Variants in PPP5C observed in about 807,000 individuals in gnomAD.
PPP5C encodes serine/threonine-protein phosphatase 5.
PPP5C carries 21 observed loss-of-function variants against 66.7 expected under a neutral mutation model. The ratio of observed to expected loss-of-function variants is 0.31; its 90% CI spans 0.22 to 0.45. The LOEUF is 0.45. PPP5C is among the 20% of genes least tolerant of loss of function. The pLI, the probability that PPP5C is intolerant of heterozygous loss-of-function variation, is 1.00. For missense variants in PPP5C, 464 were observed against 675.9 expected, an observed-to-expected ratio of 0.69 and a Z score of 3.48; for synonymous variants, 246 against 257.4, an observed-to-expected ratio of 0.96 and a Z score of 0.43.
chr19:46,371,228 TC>T (rs1972586289), intron 2 of PPP5C, among the ~76,000 whole-genome samples: 2 of 152,192 alleles, frequency 1.3e-5, no homozygotes, highest in South Asian at 4.2e-4. Context: ...CTTCCTGGGA[TC>T]TCCTGATTTT....
chr19:46,390,612 T>C lies in PPP5C; in HGVS notation c.*266T>C. 7.6e-7 allele frequency: 1 copy of C among 1,320,756 alleles called. No homozygotes were observed. The highest frequency in any genetic ancestry group is 9.7e-7 in the Non-Finnish European group (1 of 1,028,218). 81.8% of individuals were successfully genotyped at this position (1,320,756 alleles called of 1,614,324 possible). A position where few individuals can be genotyped will look rare whatever the true frequency, so the allele number is the denominator to read the frequency against. On this transcript the variant is annotated 3_prime_UTR_variant, in exon 13 of 13. Transcript: ENST00000012443. ...GCCTGGGCATTCTGTGGGGAGGCCG[T>C]CCTCGGGGTGGGGTGGGGCCGAGTG...
chr19:46,361,831 A>G (rs1478351453), intron 2 of PPP5C, among the ~76,000 whole-genome samples: 1 of 152,080 alleles, frequency 6.6e-6, no homozygotes, highest in Non-Finnish European at 1.5e-5. Context: ...CCTTTGCATC[A>G]ATGTATTATT....
intron 2 of PPP5C, among the ~76,000 whole-genome samples, chr19:46,369,278 A>AT (rs1177975077): frequency 6.6e-6 from 1 of 152,210 alleles, no homozygotes; most frequent in Non-Finnish European, 1.5e-5. Flanking sequence ...CCTGTACAGC[A>AT]TGTTACTTTA....
At chr19:46,374,172 C>T (rs1311518825) in intron 2 of PPP5C, among the ~76,000 whole-genome samples, 2 of 152,302 alleles carry the variant, frequency 1.3e-5, no homozygotes, top group East Asian at 3.9e-4. Flanking sequence ...AGGGAGGAGG[C>T]CGTGGCCTGC....
chr19:46,376,387 G>A lies in PPP5C; in HGVS notation c.512-66G>A, dbSNP rs1389287622. 2.1e-5 allele frequency: 33 copies of A among 1,584,814 alleles called. No homozygotes were observed. The highest frequency in any genetic ancestry group is 4.6e-5 in the South Asian group (4 of 87,186). On this transcript the variant is annotated intron_variant, in intron 3 of 12. Coordinates refer to ENST00000012443, the MANE Select transcript of PPP5C (RefSeq NM_006247.4). This position sits in a 1 kb window ranked among gnomAD's most constrained non-coding sequence, Gnocchi z 5.1. ...CCAAGTTTTCCCCATCCCTGGGAGC[G>A]AGACCCCCTTCTCCCTCATAGTGGC...
Position 46,388,514 on chromosome 19 carries a change from C to T in PPP5C, c.1177-39C>T. ...GTGGCAGCAGGTGGAGGCAGACAGTCACCCTGAACCCCTGTCTCTCCCTTC... is the reference window on the plus strand; with the variant it reads ...GTGGCAGCAGGTGGAGGCAGACAGTTACCCTGAACCCCTGTCTCTCCCTTC... On this transcript the variant is annotated intron_variant, in intron 10 of 12. Coordinates refer to ENST00000012443, the MANE Select transcript of PPP5C (RefSeq NM_006247.4). The surrounding 1 kb of genome is among the most constrained non-coding windows in gnomAD (Gnocchi z 4.9). The T allele has an allele frequency of 6.2e-7, 1 of 1,610,104 alleles. No individual in the cohort carries two copies. Among genetic ancestry groups the T allele is most frequent in the Non-Finnish European group, 8.5e-7 (1 of 1,177,026 alleles).
At chr19:46,351,722 G>A (rs947980213) in intron 1 of PPP5C, among the ~76,000 whole-genome samples, 2 of 152,244 alleles carry the variant, frequency 1.3e-5, no homozygotes, top group African/African-American at 4.8e-5. Flanking sequence ...GGGCTGCCCA[G>A]TTCTGCCCTT....
chr19:46,349,806 G>A (rs1972150582), intron 1 of PPP5C, among the ~76,000 whole-genome samples: 1 of 151,970 alleles, frequency 6.6e-6, no homozygotes, highest in Non-Finnish European at 1.5e-5. Context: ...GTTTCAGGGA[G>A]GAAGTGAGAG....
At chr19:46,364,151 C>A (rs1031674233) in intron 2 of PPP5C, among the ~76,000 whole-genome samples, 5 of 151,974 alleles carry the variant, frequency 3.3e-5, no homozygotes, top group African/African-American at 1.2e-4. Context: ...TAATTAGGAG[C>A]AGTTTGAGAA....
At chr19:46,357,824 C>A (rs972808188) in intron 2 of PPP5C, among the ~76,000 whole-genome samples, 1 of 152,216 alleles carries the variant, frequency 6.6e-6, no homozygotes, top group African/African-American at 2.4e-5. Flanking sequence ...TCTTCAGGAA[C>A]CTCCATGTGT....
rs571183452 is a variant in PPP5C, at chr19:46,353,726, G to A, written c.122-22G>A. ...TCGCAGGGTTGGAGCACTGCCTCAT[G>A]CCTCTTCTTCTGTCTCCGCAGCCAA... is the stretch of plus-strand genomic sequence containing the variant. On this transcript the variant is annotated intron_variant, in intron 1 of 12. Coordinates refer to ENST00000012443, the MANE Select transcript of PPP5C (RefSeq NM_006247.4). The A allele has an allele frequency of 2.5e-6, 4 of 1,613,760 alleles. No individual in the cohort carries two copies. The African/African-American group carries it at 5.3e-5, about 21-fold the overall frequency.
chr19:46,379,178 C>T (rs376297427), intron 4 of PPP5C, among the ~76,000 whole-genome samples: 2 of 152,220 alleles, frequency 1.3e-5, no homozygotes, highest in African/African-American at 4.8e-5. Flanking sequence ...CTCAGCCTCC[C>T]GAGTAGCTGG....
In PPP5C at chr19:46,390,821, A is replaced by T. The variant is rs530684864; in HGVS notation, c.*475A>T. On this transcript the variant is annotated 3_prime_UTR_variant, in exon 13 of 13. Coordinates refer to ENST00000012443, the MANE Select transcript of PPP5C (RefSeq NM_006247.4). ...CCAGCTATTTTATGTCTGTAATTAAATATGTTAAAATAAAGTCATTATCGG... is the reference window on the plus strand; with the variant it reads ...CCAGCTATTTTATGTCTGTAATTAATTATGTTAAAATAAAGTCATTATCGG... The T allele has an allele frequency of 1.2e-4, 130 of 1,125,438 alleles. No individual in the cohort carries two copies. The highest frequency in any genetic ancestry group is 1.3e-4 in the Non-Finnish European group (115 of 907,250). 69.7% of individuals were successfully genotyped at this position (1,125,438 alleles called of 1,614,324 possible).
chr19:46,359,793 T>TTG (rs1972350251), intron 2 of PPP5C, among the ~76,000 whole-genome samples: 1 of 151,100 alleles, frequency 6.6e-6, no homozygotes, highest in African/African-American at 2.4e-5. Context: ...TTTTTTTTTT[T>TTG]TTTGAGGCGG....
intron 1 of PPP5C, among the ~76,000 whole-genome samples, chr19:46,352,209 C>T (rs1390568163): frequency 2.0e-5 from 3 of 152,228 alleles, no homozygotes; most frequent in Non-Finnish European, 4.4e-5. Flanking sequence ...GATCTGTCTC[C>T]TCCACTGGAT....
chr19:46,381,033 T>C (rs897970292), intron 4 of PPP5C, among the ~76,000 whole-genome samples: 1 of 152,240 alleles, frequency 6.6e-6, no homozygotes, highest in African/African-American at 2.4e-5. Context: ...TAGATCTTAA[T>C]GACCTGAATT....
intron 2 of PPP5C, among the ~76,000 whole-genome samples, chr19:46,359,878 C>G (rs55842357): frequency 2.7e-5 from 4 of 147,688 alleles, no homozygotes; most frequent in African/African-American, 1.0e-4. Context: ...CTCCTGGGTT[C>G]AAGTGATTCT....
chr19:46,368,453 G>A (rs180976257), intron 2 of PPP5C, among the ~76,000 whole-genome samples: 1 of 152,230 alleles, frequency 6.6e-6, no homozygotes, highest in Non-Finnish European at 1.5e-5. Flanking sequence ...CTTGCTGCCT[G>A]CCTCAGGGAC....
Position 46,376,536 on chromosome 19 carries a change from A to G in PPP5C, c.595A>G (p.Lys199Glu), listed in dbSNP as rs1203032024. ...SFMKELMQWYKDQKKLHRKCA... is the reference protein window; with the variant it reads ...SFMKELMQWYEDQKKLHRKCA... ...CATGAAGGAGCTCATGCAGTGGTACAAGGACCAGAAGAAACTGCACCGGAA... is the reference window on the plus strand; with the variant it reads ...CATGAAGGAGCTCATGCAGTGGTACGAGGACCAGAAGAAACTGCACCGGAA... The change falls in exon 4 of 13, where the codon AAG (lysine) becomes GAG (glutamate). Residue 199 changes from lysine to glutamate, a missense_variant. By Grantham distance (56) the Lys-to-Glu change is moderately conservative. Coordinates refer to ENST00000012443, the MANE Select transcript of PPP5C (RefSeq NM_006247.4). The surrounding 1 kb of genome is among the most constrained non-coding windows in gnomAD (Gnocchi z 5.1). The G allele has an allele frequency of 5.6e-6, 9 of 1,613,844 alleles. No homozygotes were observed. The highest frequency in any genetic ancestry group is 7.6e-6 in the Non-Finnish European group (9 of 1,179,914).
Sources: allele counts gnomAD v4.1 joint callset (sites outside exome capture counted in the v4.1 genomes callset), GRCh38; gene constraint gnomAD v4.1.1; non-coding constraint Gnocchi (gnomAD v3.1); transcripts MANE v1.5; gene names NCBI Gene and HGNC (gene_info 2026-07-23, HGNC 2026-07-21).